LTBP2: variants seen among roughly 807,000 people sequenced by gnomAD.
LTBP2 encodes latent-transforming growth factor beta-binding protein 2.
LTBP2 carries 103 observed loss-of-function variants against 210.6 expected under a neutral mutation model. That is an observed-to-expected ratio of 0.49 (90% CI 0.42 to 0.58). The LOEUF is 0.58. LTBP2 is among the 20% of genes least tolerant of loss of function. LTBP2 has a pLI of 0.00. For missense variants in LTBP2, 2,313 were observed against 2,494.5 expected, an observed-to-expected ratio of 0.93 and a Z score of 1.55; for synonymous variants, 1,007 against 1,015.0, an observed-to-expected ratio of 0.99 and a Z score of 0.15.
At chr14:74,567,272 C>G (rs10137193) in intron 3 of LTBP2, among the ~76,000 whole-genome samples, 7,572 of 152,318 alleles carry the variant, frequency 0.05, 650 homozygotes, top group African/African-American at 0.17. Context: ...CTCCAGCCCC[C>G]TCATGTGTTG....
Position 74,508,704 on chromosome 14 carries a change from C to T in LTBP2, c.3552G>A (p.Glu1184=). 6.2e-7 allele frequency: 1 copy of T among 1,613,814 alleles called. No individual in the cohort carries two copies. Among genetic ancestry groups the T allele is most frequent in the East Asian group, 2.2e-5 (1 of 44,880 alleles). Residue 1184 remains glutamate (E), a synonymous_variant, in exon 24 of 36, where the codon GAG becomes GAA. Coordinates refer to ENST00000261978, the MANE Select transcript of LTBP2 (RefSeq NM_000428.3). ...CEDVNECMGE[E]HCAPHGECLN... ...GGCACTCGCCGTGGGGTGCGCAGTG[C>T]TCCTCCCCCATGCACTCATTCACAT...
In LTBP2 at chr14:74,500,531, G is replaced by A. The variant is rs1860924369; in HGVS notation, c.*353C>T. On this transcript the variant is annotated 3_prime_UTR_variant, in exon 36 of 36. Coordinates refer to ENST00000261978, the MANE Select transcript of LTBP2 (RefSeq NM_000428.3). ...GATGGTGGATTGTGGCTGGAAAGGGGTGTCTGCAGTGTGAGGCCATGGGGC... is the reference window on the plus strand; with the variant it reads ...GATGGTGGATTGTGGCTGGAAAGGGATGTCTGCAGTGTGAGGCCATGGGGC... 2.2e-6 allele frequency: 1 copy of A among 453,830 alleles called. No homozygotes were observed. Among genetic ancestry groups the A allele is most frequent in the Admixed American group, 3.4e-5 (1 of 29,186 alleles). 28.1% of individuals were successfully genotyped at this position (453,830 alleles called of 1,614,324 possible). A position where few individuals can be genotyped will look rare whatever the true frequency, so the allele number is the denominator to read the frequency against.
intron 17 of LTBP2, among the ~76,000 whole-genome samples, chr14:74,517,144 T>C (rs2087146936): frequency 6.6e-6 from 1 of 152,182 alleles, no homozygotes; most frequent in South Asian, 2.1e-4. Flanking sequence ...AGGCCCCTGA[T>C]AAACCTGAGT....
Position 74,552,926 on chromosome 14 carries a change from G to T in LTBP2, c.1158C>A (p.Gly386=). ...AGCCAGACTTGGGATCGTGCCCATG[G>T]CCGCCCTGGCTGTACAGGGTGGTGG... is the stretch of plus-strand genomic sequence containing the variant. The part of the protein sequence containing the change: ...GDTTTLYSQG[G]HGHDPKSGFR... Residue 386 remains glycine, a synonymous_variant, in exon 5 of 36, where the codon GGC becomes GGA. Transcript: ENST00000261978. The T allele has an allele frequency of 1.2e-6, 2 of 1,613,750 alleles. No individual in the cohort carries two copies. Among genetic ancestry groups the T allele is most frequent in the African/African-American group, 1.3e-5 (1 of 75,050 alleles).
intron 1 of LTBP2, among the ~76,000 whole-genome samples, chr14:74,604,295 C>T (rs1410987958): frequency 6.6e-6 from 1 of 152,064 alleles, no homozygotes; most frequent in African/African-American, 2.4e-5. Flanking sequence ...TGTTACCTGC[C>T]AACGAATGCA....
At chr14:74,528,393 G>C in intron 12 of LTBP2, 90 bp downstream of exon 12, 2 of 1,442,702 alleles carry the variant, frequency 1.4e-6, no homozygotes, top group Non-Finnish European at 1.9e-6. Context: ...GGGATGCCCA[G>C]GGACCCAGGA....
chr14:74,589,403 C>T (rs1193402004), intron 2 of LTBP2, among the ~76,000 whole-genome samples: 1 of 152,178 alleles, frequency 6.6e-6, no homozygotes, highest in Non-Finnish European at 1.5e-5. Context: ...GCACCAAGGG[C>T]ACTCAAGACC....
chr14:74,594,769 T>C (rs1481361346), intron 2 of LTBP2, among the ~76,000 whole-genome samples: 2 of 152,208 alleles, frequency 1.3e-5, no homozygotes, highest in African/African-American at 2.4e-5. Context: ...AGAGATCCCC[T>C]AGCCCAGGGA....
At chr14:74,608,101 TA>T (rs2088553685) in intron 1 of LTBP2, among the ~76,000 whole-genome samples, 1 of 151,124 alleles carries the variant, frequency 6.6e-6, no homozygotes, top group African/African-American at 2.4e-5. Context: ...TTTGTATTTT[TA>T]GTAGAGACGG....
chr14:74,533,031 G>A (rs2087373034), intron 9 of LTBP2, among the ~76,000 whole-genome samples: 1 of 152,124 alleles, frequency 6.6e-6, no homozygotes, highest in African/African-American at 2.4e-5. Context: ...TTTTTGTAGA[G>A]ATGTGTTTTC....
chr14:74,529,172 A>G (rs1317605944), intron 10 of LTBP2, 50 bp from the exon 11 acceptor site: 1 of 1,548,104 alleles, frequency 6.5e-7, no homozygotes, highest in Non-Finnish European at 8.7e-7. Flanking sequence ...GTGGGAGGGG[A>G]ATGCGCAGCT....
intron 2 of LTBP2, among the ~76,000 whole-genome samples, chr14:74,594,370 C>G (rs1325766012): frequency 6.6e-6 from 1 of 152,152 alleles, no homozygotes; most frequent in African/African-American, 2.4e-5. Flanking sequence ...CAGTGCCACC[C>G]GCTCTGGTCT....
At chr14:74,608,252 C>A (rs1038313131) in intron 1 of LTBP2, among the ~76,000 whole-genome samples, 1 of 152,082 alleles carries the variant, frequency 6.6e-6, no homozygotes, top group South Asian at 2.1e-4. Context: ...TTTTCAATAC[C>A]TTTTAGTGCA....
In LTBP2 at chr14:74,611,628, G is replaced by T; in HGVS notation, c.317C>A (p.Pro106Gln). The change falls in exon 1 of 36, where the codon CCG becomes CAG. Residue 106 changes from proline to glutamine, a missense_variant. By Grantham distance (76) the Pro-to-Gln change is moderately conservative. This residue lies in a region of LTBP2 where 1,867 missense variants were observed against 1,976.9 expected (regional missense o/e 0.94). Coordinates refer to ENST00000261978, the MANE Select transcript of LTBP2 (RefSeq NM_000428.3). ...ACGCCGCGACTGCTGCGCGCGGGAC[G>T]GCCTCCTGGCCTCCGCCTCGGTGGG... ...RRPTEAEARR[P>Q]SRAQQSRRVQ... is the part of the protein sequence containing the mutation. The T allele has an allele frequency of 3.9e-6, 6 of 1,555,376 alleles. No homozygotes were observed. The highest frequency in any genetic ancestry group is 5.2e-6 in the Non-Finnish European group (6 of 1,156,266).
chr14:74,529,013 G>A lies in LTBP2; in HGVS notation c.2097C>T (p.Ser699=). Residue 699 remains serine (S), a synonymous_variant, in exon 11 of 36, where the codon AGC becomes AGT. Transcript: ENST00000261978. ...CGCTGCCCCATGCTTTGCCCACGCGGCTGCAGCAGCATATCTGCTTGGTGA... is the reference window on the plus strand; with the variant it reads ...CGCTGCCCCATGCTTTGCCCACGCGACTGCAGCAGCATATCTGCTTGGTGA... The part of the protein sequence containing the change: ...QRITKQICCC[S]RVGKAWGSEC... The A allele has an allele frequency of 2.5e-6, 4 of 1,602,648 alleles. No homozygotes were observed. The highest frequency in any genetic ancestry group is 3.4e-6 in the Non-Finnish European group (4 of 1,174,822).
rs1441019401 is a variant in LTBP2 at position 74,592,409 on chromosome 14, C to T, written c.566-6291G>A. 4.6e-5 allele frequency among the ~76,000 whole-genome samples: 7 copies of T among 152,214 alleles called. No homozygotes were observed. In the South Asian group the frequency reaches 1.2e-3, roughly 27 times the overall value. Reference sequence around the variant, plus strand: ...TAGAGGTGGGTGCGGTGGCTCACGCCTGTAATCCCAGCACTTTAGGAGGCT... The same window carrying T: ...TAGAGGTGGGTGCGGTGGCTCACGCTTGTAATCCCAGCACTTTAGGAGGCT... On this transcript the variant is annotated intron_variant, in intron 2 of 35. Coordinates refer to ENST00000261978, the MANE Select transcript of LTBP2 (RefSeq NM_000428.3).
chr14:74,555,237 C>T (rs2139751810), intron 4 of LTBP2, among the ~76,000 whole-genome samples: 1 of 152,062 alleles, frequency 6.6e-6, no homozygotes, highest in Non-Finnish European at 1.5e-5. Context: ...ATGAGGGAAG[C>T]AAAGGCAGGA....
intron 3 of LTBP2, among the ~76,000 whole-genome samples, chr14:74,573,315 G>A (rs2088010532): frequency 1.3e-5 from 2 of 152,228 alleles, no homozygotes; most frequent in Non-Finnish European, 2.9e-5. Context: ...TCATGGCAAG[G>A]ACTGGCAAAT....
intron 30 of LTBP2, among the ~76,000 whole-genome samples, chr14:74,504,510 A>T (rs1293818285): frequency 6.6e-6 from 1 of 152,186 alleles, no homozygotes; most frequent in Admixed American, 6.5e-5. Flanking sequence ...GCTGTGGGTG[A>T]GAGTTAGTCA....
Sources: allele counts gnomAD v4.1 joint callset (sites outside exome capture counted in the v4.1 genomes callset), GRCh38; gene constraint gnomAD v4.1.1; regional missense constraint gnomAD v4.1.1; transcripts MANE v1.5; gene names NCBI Gene and HGNC (gene_info 2026-07-23, HGNC 2026-07-21).